FRMD3: variants seen among roughly 807,000 people sequenced by gnomAD.
FRMD3 encodes FERM domain containing 3.
A neutral mutation model predicts 70.2 loss-of-function variants in FRMD3; 33 were observed. The observed-to-expected ratio is 0.47, with a 90% CI of 0.36 to 0.63. The LOEUF (loss-of-function observed/expected upper bound fraction) is 0.63. Among genes scored for constraint, FRMD3 ranks in the 20% least tolerant of loss-of-function variants. The pLI, the probability that FRMD3 is intolerant of heterozygous loss-of-function variation, is 0.00. For missense variants in FRMD3, 632 were observed against 711.4 expected (o/e 0.89, Z 1.27); for synonymous variants, 279 against 255.9 (o/e 1.09, Z -0.86).
intron 1 of FRMD3, among the ~76,000 whole-genome samples, chr9:83,523,321 G>A (rs764268106): frequency 6.6e-6 from 1 of 152,108 alleles, no homozygotes. Flanking sequence ...TTAGATGGAT[G>A]AATAGATAGA....
At chr9:83,461,898 T>C (rs1365719747) in intron 1 of FRMD3, among the ~76,000 whole-genome samples, 1 of 151,850 alleles carries the variant, frequency 6.6e-6, no homozygotes, top group Non-Finnish European at 1.5e-5. Context: ...TGTTGGACAG[T>C]CTGGTCTCAA....
At chr9:83,494,191 C>T (rs772420330) in intron 1 of FRMD3, among the ~76,000 whole-genome samples, 4 of 152,292 alleles carry the variant, frequency 2.6e-5, no homozygotes, top group Middle Eastern at 3.4e-3. Context: ...TCACTAGTAA[C>T]ACATAAACGT....
intron 1 of FRMD3, among the ~76,000 whole-genome samples, chr9:83,430,590 CT>C (rs565253167): frequency 5.3e-5 from 8 of 152,046 alleles, no homozygotes; most frequent in East Asian, 3.9e-4. Flanking sequence ...AAAAGAAAAA[CT>C]TTTTTTTCAT....
At chr9:83,261,345 G>C (rs1388388770) in intron 13 of FRMD3, among the ~76,000 whole-genome samples, 1 of 152,112 alleles carries the variant, frequency 6.6e-6, no homozygotes, top group African/African-American at 2.4e-5. Context: ...TCTTGGTTAT[G>C]CCTCTACTTT....
intron 3 of FRMD3, among the ~76,000 whole-genome samples, chr9:83,372,101 C>A (rs1824993097): frequency 6.6e-6 from 1 of 152,116 alleles, no homozygotes; most frequent in Admixed American, 6.5e-5. Context: ...TTTCAGAGCC[C>A]TGGGAAAGTG....
At chr9:83,377,479 T>C (rs1179515765) in intron 2 of FRMD3, among the ~76,000 whole-genome samples, 2 of 151,974 alleles carry the variant, frequency 1.3e-5, no homozygotes, top group African/African-American at 2.4e-5. Context: ...TAATCCCCAA[T>C]GTTGGAGGTG....
intron 1 of FRMD3, among the ~76,000 whole-genome samples, chr9:83,390,503 A>ACT (rs1209056810): frequency 6.6e-6 from 1 of 152,236 alleles, no homozygotes; most frequent in African/African-American, 2.4e-5. Flanking sequence ...ACTAAGATCC[A>ACT]AAGACAGGCC....
At chr9:83,411,284 C>G (rs934879844) in intron 1 of FRMD3, among the ~76,000 whole-genome samples, 1 of 152,220 alleles carries the variant, frequency 6.6e-6, no homozygotes, top group Non-Finnish European at 1.5e-5. Flanking sequence ...CCTATTTTCC[C>G]TATGAAAATG....
intron 6 of FRMD3, among the ~76,000 whole-genome samples, chr9:83,323,079 T>C (rs1016996740): frequency 1.3e-5 from 2 of 152,224 alleles, no homozygotes; most frequent in Admixed American, 1.3e-4. Flanking sequence ...CTCATGTACT[T>C]CTGGTGGAAA....
At chr9:83,539,317 A>G (rs1443428813), upstream of FRMD3, among the ~76,000 whole-genome samples, 1 of 152,234 alleles carries the variant, frequency 6.6e-6, no homozygotes. Flanking sequence ...CAAGGTGGCT[A>G]GAGCCACTGT....
intron 1 of FRMD3, among the ~76,000 whole-genome samples, chr9:83,500,046 T>G (rs1487636879): frequency 6.6e-6 from 1 of 152,090 alleles, no homozygotes; most frequent in Non-Finnish European, 1.5e-5. Context: ...AAAAATATGG[T>G]GACAGTAAAG....
At chr9:83,313,804 A>G in intron 6 of FRMD3, 57 bp from the exon 7 acceptor site, 3 of 1,271,388 alleles carry the variant, frequency 2.4e-6, no homozygotes, top group Non-Finnish European at 3.5e-6. Context: ...AGAAACTCGG[A>G]ATCCCTTCAT....
At chr9:83,572,148 GGTGT>G in the FRMD3 span, among the ~76,000 whole-genome samples, 1,492 of 149,030 alleles carry the variant, frequency 0.01, 9 homozygotes, top group African/African-American at 0.013. Context: ...AGTTTTTTGA[GGTGT>G]GTGTGTGTGT....
chr9:83,582,076 C>CA, the FRMD3 span, among the ~76,000 whole-genome samples: 3 of 151,384 alleles, frequency 2.0e-5, no homozygotes, highest in South Asian at 6.3e-4. Flanking sequence ...AAAGTAATCT[C>CA]TTTTTTTTTC....
At chr9:83,576,971 T>C in the FRMD3 span, among the ~76,000 whole-genome samples, 1 of 152,082 alleles carries the variant, frequency 6.6e-6, no homozygotes, top group Admixed American at 6.5e-5. Flanking sequence ...ATCTAAACAT[T>C]TAAGAACACA....
intron 1 of FRMD3, among the ~76,000 whole-genome samples, chr9:83,432,330 A>G (rs778769747): frequency 1.2e-4 from 18 of 152,178 alleles, no homozygotes; most frequent in Non-Finnish European, 2.5e-4. Flanking sequence ...CCAGGTCACT[A>G]TGTTTCCTTT....
At chr9:83,370,935 G>T (rs13439910) in intron 3 of FRMD3, among the ~76,000 whole-genome samples, 41,086 of 137,652 alleles carry the variant, frequency 0.3, 6,536 homozygotes, top group Non-Finnish European at 0.39. Flanking sequence ...ATTTTAGTTG[G>T]TTGTTCAGAT....
chr9:83,563,104 C>T, the FRMD3 span, among the ~76,000 whole-genome samples: 12 of 152,100 alleles, frequency 7.9e-5, no homozygotes, highest in Admixed American at 4.6e-4. Flanking sequence ...AATTAAAAGC[C>T]AGGTCCTCTG....
At chr9:83,395,119 T>C (rs907177969) in intron 1 of FRMD3, among the ~76,000 whole-genome samples, 1 of 152,176 alleles carries the variant, frequency 6.6e-6, no homozygotes, top group African/African-American at 2.4e-5. Context: ...ATGAATTTTG[T>C]AAACTGCAAA....
Sources: allele counts gnomAD v4.1 joint callset (sites outside exome capture counted in the v4.1 genomes callset), GRCh38; gene constraint gnomAD v4.1.1; transcripts MANE v1.5; gene names NCBI Gene and HGNC (gene_info 2026-07-23, HGNC 2026-07-21).